CPNE5: variants seen among roughly 807,000 people sequenced by gnomAD.
The protein encoded by CPNE5 is copine-5.
In CPNE5, 42 loss-of-function variants were observed where a neutral mutation model predicts 81.1. The observed-to-expected ratio is 0.52, with a 90% CI of 0.40 to 0.67. The LOEUF is 0.67. Ranked by LOEUF, CPNE5 falls within the 30% of genes least tolerant of loss-of-function variation. The probability of loss-of-function intolerance (pLI) is 0.00; values close to 1 mark genes in which losing one functional copy is unlikely to be tolerated. For missense variants in CPNE5, 612 were observed against 815.5 expected, an observed-to-expected ratio of 0.75 and a Z score of 3.04; for synonymous variants, 313 against 321.5, an observed-to-expected ratio of 0.97 and a Z score of 0.28.
intron 6 of CPNE5, among the ~76,000 whole-genome samples, chr6:36,794,899 T>C (rs1769432453): frequency 6.6e-6 from 1 of 152,130 alleles, no homozygotes; most frequent in African/African-American, 2.4e-5. Context: ...TTAATAGGAA[T>C]GTAAATTCCC....
chr6:36,834,406 G>A (rs914153276), intron 1 of CPNE5, among the ~76,000 whole-genome samples: 1 of 151,782 alleles, frequency 6.6e-6, no homozygotes, highest in South Asian at 2.1e-4. Context: ...CTGCAATCCC[G>A]GCAATTTGGA....
At chr6:36,765,586 G>A (rs1051900211) in intron 10 of CPNE5, among the ~76,000 whole-genome samples, 2 of 152,200 alleles carry the variant, frequency 1.3e-5, no homozygotes, top group African/African-American at 2.4e-5. Flanking sequence ...CCAGGGCTGT[G>A]TAGGGACTGC....
intron 3 of CPNE5, among the ~76,000 whole-genome samples, chr6:36,819,031 G>T (rs1277323133): frequency 1.3e-5 from 2 of 152,214 alleles, no homozygotes; most frequent in African/African-American, 4.8e-5. Context: ...AATTGGCATA[G>T]ACTCTTGGAC....
At position 36,763,161 on chromosome 6, in the gene CPNE5, C is replaced by T. The variant is rs113212659; in HGVS notation, c.780-169G>A. On this transcript the variant is annotated intron_variant, in intron 11 of 20. Coordinates refer to ENST00000244751, the MANE Select transcript of CPNE5 (RefSeq NM_020939.2). ...TCCGTGGGAAGAGAGCCCAGTGTTG[C>T]CCACAGAGGAAGAAACCCAATTGTC... Among the ~76,000 whole-genome samples the T allele has an allele frequency of 2.1e-3, 314 of 152,302 alleles. 2 individuals are homozygous for T. The highest frequency in any genetic ancestry group is 7.2e-3 in the African/African-American group (300 of 41,558).
chr6:36,790,627 C>T (rs1042544555), intron 8 of CPNE5, among the ~76,000 whole-genome samples: 9 of 152,166 alleles, frequency 5.9e-5, no homozygotes, highest in East Asian at 1.9e-4. Flanking sequence ...GATGGAGTCT[C>T]GCTCTGTCGC....
rs114647889 is a variant in CPNE5 at position 36,788,556 on chromosome 6, C to A, written c.528+3477G>T. 7.6e-3 allele frequency among the ~76,000 whole-genome samples: 1,122 copies of A among 147,610 alleles called. 8 individuals are homozygous for A. The highest frequency in any genetic ancestry group is 0.011 in the Non-Finnish European group (711 of 65,892). On this transcript the variant is annotated intron_variant, in intron 8 of 20. Transcript: ENST00000244751. ...AACAGGGTTACTCACACCCACCCAG[C>A]CCCCCAGCCTTGCAGTCAGAATCAA...
intron 13 of CPNE5, among the ~76,000 whole-genome samples, chr6:36,753,309 G>A (rs1275018432): frequency 6.6e-6 from 1 of 152,222 alleles, no homozygotes; most frequent in Non-Finnish European, 1.5e-5. Context: ...ATGTGCCCAA[G>A]GACACTGCCA....
chr6:36,786,531 G>T (rs151282451), intron 8 of CPNE5, among the ~76,000 whole-genome samples: 2 of 152,104 alleles, frequency 1.3e-5, no homozygotes, highest in South Asian at 4.1e-4. Flanking sequence ...CCCACTCACC[G>T]AGCCTGTGTT....
intron 9 of CPNE5, among the ~76,000 whole-genome samples, 154 bp from the exon 10 acceptor site, chr6:36,775,219 G>A (rs1330894259): frequency 6.6e-6 from 1 of 152,216 alleles, no homozygotes; most frequent in Non-Finnish European, 1.5e-5. Flanking sequence ...ACTGACAGCA[G>A]CCAAGCTGAT....
At chr6:36,749,259 G>A (rs1764534072) in intron 14 of CPNE5, among the ~76,000 whole-genome samples, 1 of 152,104 alleles carries the variant, frequency 6.6e-6, no homozygotes, top group Non-Finnish European at 1.5e-5. Context: ...TCTTGGTGGG[G>A]TACAGGAATC....
chr6:36,758,190 C>G (rs1022577553), intron 12 of CPNE5, among the ~76,000 whole-genome samples: 3 of 152,154 alleles, frequency 2.0e-5, no homozygotes, highest in Non-Finnish European at 2.9e-5. Flanking sequence ...TAAGAAGTAC[C>G]TGCCTCCCGG....
chr6:36,797,011 T>G (rs183472953), intron 6 of CPNE5, among the ~76,000 whole-genome samples: 1 of 152,184 alleles, frequency 6.6e-6, no homozygotes, highest in Non-Finnish European at 1.5e-5. Flanking sequence ...TTCAAGTGAT[T>G]CTCGTGCCTC....
In CPNE5 at chr6:36,741,894, TGGA is replaced by T. The variant is rs1319273825; in HGVS notation, c.*371_*373del. ...GGAGGATGGGACGGAGATGGGGGGCTGGAGGAGGCCAAGCCCAGGCTTCAGGGT... is the reference window on the plus strand; with the variant it reads ...GGAGGATGGGACGGAGATGGGGGGCTGGAGGCCAAGCCCAGGCTTCAGGGT... On this transcript the variant is annotated 3_prime_UTR_variant, in exon 21 of 21. Transcript: ENST00000244751. The T allele has an allele frequency of 1.4e-5, 3 of 217,372 alleles. No homozygotes were observed. The highest frequency in any genetic ancestry group is 5.4e-5 in the Admixed American group (1 of 18,624). 13.5% of individuals were successfully genotyped at this position (217,372 alleles called of 1,614,324 possible).
intron 1 of CPNE5, among the ~76,000 whole-genome samples, chr6:36,834,513 G>A (rs900926739): frequency 4.0e-5 from 6 of 151,724 alleles, no homozygotes; most frequent in South Asian, 2.1e-4. Context: ...AAACTCAGCC[G>A]GGCGTGATGG....
intron 3 of CPNE5, among the ~76,000 whole-genome samples, chr6:36,810,258 A>G (rs1582973739): frequency 6.6e-6 from 1 of 152,156 alleles, no homozygotes; most frequent in Admixed American, 6.5e-5. Flanking sequence ...CAAAGCCCCC[A>G]GGGGCTGTGC....
intron 1 of CPNE5, among the ~76,000 whole-genome samples, chr6:36,827,100 C>T (rs1008149794): frequency 1.4e-4 from 22 of 152,082 alleles, no homozygotes; most frequent in Admixed American, 9.2e-4. Flanking sequence ...GGAAGAAGCC[C>T]GCCCCCAACA....
At chr6:36,801,894 A>G (rs540732806) in intron 3 of CPNE5, among the ~76,000 whole-genome samples, 1 of 152,204 alleles carries the variant, frequency 6.6e-6, no homozygotes, top group African/African-American at 2.4e-5. Flanking sequence ...ATGCAAATAC[A>G]TTTGTAACTC....
intron 18 of CPNE5, 42 bp downstream of exon 18, chr6:36,745,006 C>T: frequency 7.2e-7 from 1 of 1,390,642 alleles, no homozygotes; most frequent in Non-Finnish European, 1.0e-6. Context: ...GGGAGGAAGA[C>T]ACTCCTCAAA....
chr6:36,780,997 CCT>C (rs1767993438), intron 8 of CPNE5, among the ~76,000 whole-genome samples: 1 of 152,176 alleles, frequency 6.6e-6, no homozygotes, highest in African/African-American at 2.4e-5. Flanking sequence ...ACTCTGCCCC[CCT>C]GAGAGAGAAC....
Sources: gnomAD v4.1 joint callset for allele counts (sites outside exome capture counted in the v4.1 genomes callset) on GRCh38, gnomAD v4.1.1 for gene constraint, MANE v1.5 for transcripts, NCBI Gene and HGNC (gene_info 2026-07-23, HGNC 2026-07-21) for gene names.